Variants in ZNF600 observed in about 807,000 individuals in gnomAD.
ZNF600 encodes zinc finger protein KR-ZNF1.
ZNF600 carries 4 observed loss-of-function variants against 7.3 expected under a neutral mutation model. The ratio of observed to expected loss-of-function variants is 0.55; its 90% confidence interval spans 0.27 to 1.25. The LOEUF (loss-of-function observed/expected upper bound fraction) is 1.25, where lower values mean the gene tolerates loss of function less well. Ranked by LOEUF, ZNF600 falls within the 50% of genes most tolerant of loss-of-function variation. The pLI is 0.12. For synonymous variants in ZNF600, 290 were observed against 308.9 expected, an observed-to-expected ratio of 0.94 and a Z score of 0.64; for missense variants, 911 against 922.1, an observed-to-expected ratio of 0.99 and a Z score of 0.16.
At chr19:52,820,978 GA>G in the ZNF600 span, among the ~76,000 whole-genome samples, 1 of 152,064 alleles carries the variant, frequency 6.6e-6, no homozygotes, top group South Asian at 2.1e-4. Flanking sequence ...GCATCTCGGA[GA>G]AGCGCATTTT....
At chr19:52,825,140 TAGA>T in the ZNF600 span, among the ~76,000 whole-genome samples, 1 of 152,076 alleles carries the variant, frequency 6.6e-6, no homozygotes, top group Admixed American at 6.6e-5. Flanking sequence ...TGCCACGTCC[TAGA>T]AGAAGCAATC....
the ZNF600 span, chr19:52,801,438 A>G: frequency 1.9e-6 from 3 of 1,614,204 alleles, 1 homozygote; most frequent in South Asian, 3.3e-5. Flanking sequence ...CTGATCTTTA[A>G]TATGCTTGTT....
chr19:52,799,854 T>C, the ZNF600 span: 1 of 1,613,808 alleles, frequency 6.2e-7, no homozygotes, highest in South Asian at 1.1e-5. Flanking sequence ...TTCATTACAC[T>C]TGTAAGGTTT....
At chr19:52,831,751 A>G in the ZNF600 span, among the ~76,000 whole-genome samples, 1 of 151,798 alleles carries the variant, frequency 6.6e-6, no homozygotes, top group African/African-American at 2.4e-5. Flanking sequence ...TGATCTGCCC[A>G]CCTCGGCCTC....
chr19:52,819,938 G>A, the ZNF600 span, among the ~76,000 whole-genome samples: 284 of 143,932 alleles, frequency 2.0e-3, 16 homozygotes, highest in East Asian at 0.038. Flanking sequence ...GAATACATGG[G>A]TGGACAGCTG....
chr19:52,771,822 C>A (rs112381467), intron 3 of ZNF600, among the ~76,000 whole-genome samples: 5 of 152,082 alleles, frequency 3.3e-5, no homozygotes, highest in African/African-American at 1.2e-4. Flanking sequence ...TATGTTTGCC[C>A]GACTGCTCTC....
intron 3 of ZNF600, among the ~76,000 whole-genome samples, chr19:52,772,209 G>C (rs532807258): frequency 2.0e-5 from 3 of 152,260 alleles, no homozygotes; most frequent in African/African-American, 7.2e-5. Context: ...TTGGGACCCT[G>C]AGGCTGGACA....
the ZNF600 span, among the ~76,000 whole-genome samples, chr19:52,804,034 G>A: frequency 6.6e-6 from 1 of 152,204 alleles, no homozygotes; most frequent in African/African-American, 2.4e-5. Context: ...GGATGTTCCT[G>A]CAGATGCAGA....
intron 2 of ZNF600, among the ~76,000 whole-genome samples, chr19:52,778,338 T>C (rs1373263484): frequency 1.3e-5 from 2 of 150,780 alleles, no homozygotes; most frequent in East Asian, 3.9e-4. Context: ...AAAAAAAAAG[T>C]TTGGAATCAC....
In ZNF600 at chr19:52,766,281, T is replaced by C. The variant is rs773634958; in HGVS notation, c.1682A>G (p.His561Arg). 2.5e-6 allele frequency: 4 copies of C among 1,614,064 alleles called. No homozygotes were observed. In the African/African-American group the frequency reaches 4.0e-5, roughly 16 times the overall value. ...ACACTTGTAAGGTTTCTCTCCACTA[T>C]GAATTCTAGTATGTTTTGCCAGATA... The change falls in exon 4 of 4, where the codon CAT (histidine) becomes CGT (arginine). Residue 561 changes from histidine (H) to arginine (R), a missense_variant. His to Arg is a conservative substitution (Grantham distance 29). Transcript: ENST00000648973.
the ZNF600 span, chr19:52,799,231 A>T: frequency 2.5e-6 from 1 of 401,720 alleles, no homozygotes. Context: ...ACAAGGTATG[A>T]ATTTTGACCA....
the ZNF600 span, among the ~76,000 whole-genome samples, chr19:52,806,911 G>C: frequency 6.6e-6 from 1 of 152,114 alleles, no homozygotes; most frequent in Non-Finnish European, 1.5e-5. Context: ...TAAAAAAAGA[G>C]AGAAAGAAAG....
chr19:52,784,929 G>C (rs2062751658), intron 1 of ZNF600, among the ~76,000 whole-genome samples: 2 of 151,918 alleles, frequency 1.3e-5, no homozygotes, highest in African/African-American at 2.4e-5. Context: ...GATGGGGGGA[G>C]CCTCACTATT....
the ZNF600 span, among the ~76,000 whole-genome samples, chr19:52,820,180 C>T: frequency 1.8e-5 from 2 of 111,438 alleles, no homozygotes; most frequent in South Asian, 3.0e-4. Flanking sequence ...TGCAGTGGCG[C>T]AATCTCGGCT....
At chr19:52,810,884 CCCCTCCCCCTCCCCCT>C in the ZNF600 span, among the ~76,000 whole-genome samples, 111 of 32,032 alleles carry the variant, frequency 3.5e-3, 2 homozygotes, top group African/African-American at 0.013. Flanking sequence ...CCTCCCCCTC[CCCCTCCCCCTCCCCCT>C]CCCTCTCCCT....
At chr19:52,766,293 T>C (rs774261106) in exon 4 of ZNF600, 1 of 1,614,220 alleles carries the variant, frequency 6.2e-7, no homozygotes, top group Non-Finnish European at 8.5e-7. Flanking sequence ...AATTCTAGTA[T>C]GTTTTGCCAG....
At chr19:52,815,928 C>T in the ZNF600 span, among the ~76,000 whole-genome samples, 9,412 of 147,138 alleles carry the variant, frequency 0.064, 1,383 homozygotes, top group African/African-American at 0.13. Context: ...AACAAACCTT[C>T]ACATGTAGCC....
At chr19:52,829,759 C>A in the ZNF600 span, among the ~76,000 whole-genome samples, 68,419 of 151,246 alleles carry the variant, frequency 0.45, 16,934 homozygotes, top group Non-Finnish European at 0.57. Flanking sequence ...CGATCTACCC[C>A]CCTCAGCCTC....
At chr19:52,802,529 G>C in the ZNF600 span, among the ~76,000 whole-genome samples, 1 of 151,940 alleles carries the variant, frequency 6.6e-6, no homozygotes, top group Non-Finnish European at 1.5e-5. Context: ...AATACAAAAA[G>C]TAGCTGGCAT....
Sources: allele counts gnomAD v4.1 joint callset (sites outside exome capture counted in the v4.1 genomes callset), GRCh38; gene constraint gnomAD v4.1.1; transcripts MANE v1.5; gene names NCBI Gene and HGNC (gene_info 2026-07-23, HGNC 2026-07-21).